The following FER1L6 variants were observed in gnomAD, a reference collection of about 807,000 sequenced individuals.
FER1L6 encodes fer-1-like protein 6.
A neutral mutation model predicts 219.2 loss-of-function variants in FER1L6; 177 were observed. The observed-to-expected ratio is 0.81, with a 90% CI of 0.71 to 0.91. FER1L6 has a LOEUF of 0.91. Among genes scored for constraint, FER1L6 ranks in the 40% least tolerant of loss-of-function variants. The pLI is 0.00. For missense variants in FER1L6, 2,153 were observed against 2,259.9 expected (o/e 0.95, Z 0.96); for synonymous variants, 768 against 824.3 (o/e 0.93, Z 1.17).
At chr8:123,889,491 C>A (rs758977097) in intron 1 of FER1L6, among the ~76,000 whole-genome samples, 11 of 152,032 alleles carry the variant, frequency 7.2e-5, no homozygotes, top group Non-Finnish European at 1.5e-4. Flanking sequence ...ATGCTAACAT[C>A]TGATAGTTCA....
rs1812968805 is a variant in FER1L6 at position 123,907,176 on chromosome 8, C to T, written c.-7-48816C>T. Among the ~76,000 whole-genome samples, 3 of 152,244 alleles carry T rather than the reference C, an allele frequency of 2.0e-5. No individual in the cohort carries two copies. In the South Asian group the frequency reaches 6.2e-4, roughly 32 times the overall value. On this transcript the variant is annotated intron_variant, in intron 1 of 40. Coordinates refer to ENST00000522917, the MANE Select transcript of FER1L6 (RefSeq NM_001039112.2). ...AGTCTGTAGTTTGCCAAATTCTTGA[C>T]AAGATTATACACTTTGCTACCACCA...
At chr8:123,855,760 A>ATG (rs1563663150) in intron 1 of FER1L6, among the ~76,000 whole-genome samples, 121 of 144,708 alleles carry the variant, frequency 8.4e-4, no homozygotes, top group African/African-American at 3.1e-3. Flanking sequence ...GTGTATATAT[A>ATG]TGTGTGTGTA....
rs1007272764 is a variant in FER1L6, at chr8:123,853,017, T to C, written c.-8+832T>C. On this transcript the variant is annotated intron_variant, in intron 1 of 40. Transcript: ENST00000522917. This position sits in a 1 kb window ranked among gnomAD's most constrained non-coding sequence, Gnocchi z 6.6. The stretch of plus-strand genomic sequence containing the variant: ...GCTACCTATCAGATCAATTTTATTC[T>C]TATTTTTGTAGAGACGGGGCCTCGC... Among the ~76,000 whole-genome samples, 8 of 152,198 alleles carry C rather than the reference T, an allele frequency of 5.3e-5. No homozygotes were observed. Among genetic ancestry groups the C allele is most frequent in the South Asian group, 2.1e-4 (1 of 4,830 alleles).
Position 124,101,163 on chromosome 8 carries a change from G to C in FER1L6, c.4950G>C (p.Glu1650Asp). The stretch of plus-strand genomic sequence containing the variant: ...TGCATTACAACTCCCTGACTGGAGA[G>C]GGCAACTTCAACTGGCGCTTCCTGT... The part of the protein sequence containing the change: ...TDVHYNSLTG[E>D]GNFNWRFLFP... Residue 1650 changes from glutamate to aspartate, a missense_variant, in exon 38 of 41, where the codon GAG becomes GAC. Physicochemically the swap from Glu to Asp is conservative, Grantham distance 45 (BLOSUM62 2). Transcript: ENST00000522917. 1 of 1,613,876 alleles carries C rather than the reference G, an allele frequency of 6.2e-7. No homozygotes were observed. Among genetic ancestry groups the C allele is most frequent in the South Asian group, 1.1e-5 (1 of 91,076 alleles).
intron 1 of FER1L6, among the ~76,000 whole-genome samples, chr8:123,898,696 T>C (rs1358540987): frequency 6.9e-6 from 1 of 145,694 alleles, no homozygotes; most frequent in Admixed American, 6.9e-5. Context: ...TATGTACATA[T>C]ATGTGTATAC....
chr8:124,007,902 T>G (rs1817740395), intron 13 of FER1L6, among the ~76,000 whole-genome samples: 1 of 152,214 alleles, frequency 6.6e-6, no homozygotes, highest in African/African-American at 2.4e-5. Context: ...TCTCTAGTAA[T>G]TTCAGCTTAT....
chr8:123,856,310 GTA>G (rs200259795), intron 1 of FER1L6, among the ~76,000 whole-genome samples: 817 of 47,832 alleles, frequency 0.017, 66 homozygotes, highest in African/African-American at 0.061. Context: ...ATATATATAT[GTA>G]TGTGTATATA....
At chr8:123,930,682 C>T (rs972312455) in intron 1 of FER1L6, among the ~76,000 whole-genome samples, 15 of 152,126 alleles carry the variant, frequency 9.9e-5, no homozygotes, top group Non-Finnish European at 1.6e-4. Flanking sequence ...GCTCAGGTTC[C>T]TCATCTTTAA....
At chr8:123,928,419 G>A (rs1024333368) in intron 1 of FER1L6, among the ~76,000 whole-genome samples, 2 of 152,168 alleles carry the variant, frequency 1.3e-5, no homozygotes, top group Admixed American at 1.3e-4. Context: ...AAAGCTAGTG[G>A]CACAAATAAA....
At chr8:123,986,469 G>A (rs778591166) in intron 12 of FER1L6, among the ~76,000 whole-genome samples, 1 of 152,068 alleles carries the variant, frequency 6.6e-6, no homozygotes, top group Non-Finnish European at 1.5e-5. Context: ...AGGGTATATA[G>A]GGGATCTATC....
chr8:124,063,978 C>T (rs10808530), intron 25 of FER1L6, among the ~76,000 whole-genome samples: 123,750 of 152,096 alleles, frequency 0.81, 50,567 homozygotes, highest in Non-Finnish European at 0.86. Context: ...CTCTGGAGCT[C>T]CAAAGCCTCC....
chr8:124,010,491 C>T, intron 13 of FER1L6, 103 bp from the exon 14 acceptor site: 1 of 1,368,940 alleles, frequency 7.3e-7, no homozygotes, highest in Admixed American at 2.3e-5. Flanking sequence ...TTTCATCATG[C>T]CTCCCGAGTC....
intron 1 of FER1L6, among the ~76,000 whole-genome samples, chr8:123,885,729 G>A (rs1817189061): frequency 1.3e-5 from 2 of 152,148 alleles, no homozygotes; most frequent in Non-Finnish European, 2.9e-5. Flanking sequence ...CTGATGCACA[G>A]CCATGGAGAA....
intron 39 of FER1L6, among the ~76,000 whole-genome samples, chr8:124,105,025 A>G (rs1293635216): frequency 1.3e-5 from 2 of 152,180 alleles, no homozygotes; most frequent in East Asian, 3.9e-4. Flanking sequence ...TACTCCAAGA[A>G]AGCAATGACT....
In FER1L6 at chr8:124,010,628, C is replaced by G. The variant is rs1314525939; in HGVS notation, c.1735C>G (p.Pro579Ala). 8.1e-6 allele frequency: 13 copies of G among 1,613,876 alleles called. No individual in the cohort carries two copies. The highest frequency in any genetic ancestry group is 1.1e-5 in the Non-Finnish European group (13 of 1,179,956). The change falls in exon 14 of 41, where the codon CCC (proline) becomes GCC (alanine). Residue 579 changes from proline (P) to alanine (A), a missense_variant. Transcript: ENST00000522917. ...YNYLPFEAKK[P>A]CVYFISSWGD... ...CTATTTGCCATTTGAGGCTAAGAAG[C>G]CCTGTGTCTATTTCATCAGCTCTTG...
At chr8:124,021,477 C>A in intron 16 of FER1L6, 73 bp from the exon 17 acceptor site, 1 of 1,588,412 alleles carries the variant, frequency 6.3e-7, no homozygotes, top group Non-Finnish European at 8.6e-7. Flanking sequence ...ACCTTCAGGT[C>A]TCTTCAGCAA....
At chr8:124,000,429 A>T (rs1330490488) in intron 12 of FER1L6, among the ~76,000 whole-genome samples, 1 of 152,046 alleles carries the variant, frequency 6.6e-6, no homozygotes, top group African/African-American at 2.4e-5. Context: ...GTGGGGGGTG[A>T]TCACTTCAGG....
intron 19 of FER1L6, chr8:124,036,049 T>C (rs946730075): frequency 6.6e-6 from 1 of 152,242 alleles, no homozygotes; most frequent in Non-Finnish European, 1.5e-5. Context: ...TTATAAATAT[T>C]CCTTACACTT....
In FER1L6 at chr8:124,118,825, G is replaced by A. The variant is rs1563811042; in HGVS notation, c.5290-19G>A. The A allele has an allele frequency of 1.2e-6, 2 of 1,611,770 alleles. No homozygotes were observed. ...GGGTCTTTGTGACTGGAAACAAAAG[G>A]TTTTGCATCTTTTTGCAGGGCAAGG... On this transcript the variant is annotated intron_variant, in intron 39 of 40. Transcript: ENST00000522917.
Sources: allele counts gnomAD v4.1 joint callset (sites outside exome capture counted in the v4.1 genomes callset), GRCh38; gene constraint gnomAD v4.1.1; non-coding constraint Gnocchi (gnomAD v3.1); transcripts MANE v1.5; gene names NCBI Gene and HGNC (gene_info 2026-07-23, HGNC 2026-07-21).